LOXHD1: variants seen among roughly 807,000 people sequenced by gnomAD.
LOXHD1 encodes lipoxygenase homology domain-containing protein 1.
A neutral mutation model predicts 248.2 loss-of-function variants in LOXHD1; 205 were observed. The observed-to-expected ratio is 0.83, with a 90% CI of 0.74 to 0.93. The LOEUF is 0.93. Among genes scored for constraint, LOXHD1 ranks in the 40% least tolerant of loss-of-function variants. The pLI, the probability that LOXHD1 is intolerant of heterozygous loss-of-function variation, is 0.00. For missense variants in LOXHD1, 2,930 were observed against 2,971.6 expected (o/e 0.99, Z 0.33); for synonymous variants, 1,113 against 1,162.8 (o/e 0.96, Z 0.87).
chr18:46,519,364 C>T (rs1188200420), intron 33 of LOXHD1, among the ~76,000 whole-genome samples: 1 of 152,234 alleles, frequency 6.6e-6, no homozygotes, highest in Non-Finnish European at 1.5e-5. Context: ...CAAACCGGAG[C>T]TATTAATCAC....
At chr18:46,545,623 A>ATTTTTTTTTTTTTT (rs1555676193) in intron 22 of LOXHD1, among the ~76,000 whole-genome samples, 3 of 86,048 alleles carry the variant, frequency 3.5e-5, no homozygotes, top group African/African-American at 9.2e-5. Context: ...CCTCTTGGCC[A>ATTTTTTTTTTTTTT]TTTCTTTTTT....
chr18:46,489,211 C>T, intron 37 of LOXHD1, 69 bp from the exon 38 acceptor site: 1 of 1,488,064 alleles, frequency 6.7e-7, no homozygotes, highest in Non-Finnish European at 9.2e-7. Flanking sequence ...CTTCTACATC[C>T]CCACAACCCA....
intron 4 of LOXHD1, among the ~76,000 whole-genome samples, chr18:46,620,435 A>C (rs1426353348): frequency 2.0e-5 from 3 of 152,224 alleles, no homozygotes; most frequent in Non-Finnish European, 4.4e-5. Context: ...GCACACAGTG[A>C]AGCAGGAGAA....
At chr18:46,622,435 G>C (rs997418234) in intron 4 of LOXHD1, among the ~76,000 whole-genome samples, 1 of 152,024 alleles carries the variant, frequency 6.6e-6, no homozygotes. Flanking sequence ...TTCTTAGCTC[G>C]GGGTCCACAC....
chr18:46,587,360 T>C (rs1303449198), intron 12 of LOXHD1, among the ~76,000 whole-genome samples: 1 of 152,138 alleles, frequency 6.6e-6, no homozygotes, highest in Non-Finnish European at 1.5e-5. Flanking sequence ...TGAAGGCCAG[T>C]TCTGCTTTTT....
At chr18:46,531,240 T>C (rs1465639501) in intron 28 of LOXHD1, among the ~76,000 whole-genome samples, 1 of 151,994 alleles carries the variant, frequency 6.6e-6, no homozygotes, top group Non-Finnish European at 1.5e-5. Context: ...CACCCCACTC[T>C]GCCCCACTCA....
At chr18:46,489,691 G>A (rs1254840550) in intron 37 of LOXHD1, among the ~76,000 whole-genome samples, 1 of 152,142 alleles carries the variant, frequency 6.6e-6, no homozygotes, top group African/African-American at 2.4e-5. Context: ...TGCTCCTATA[G>A]CCCCCTGCAT....
intron 37 of LOXHD1, among the ~76,000 whole-genome samples, chr18:46,491,004 G>A (rs2143656412): frequency 6.6e-6 from 1 of 152,356 alleles, no homozygotes. Context: ...GAGGAGACCT[G>A]CTGAAGCAGT....
chr18:46,522,151 C>G lies in LOXHD1; in HGVS notation c.5035G>C (p.Glu1679Gln). 1 of 1,551,648 alleles carries G rather than the reference C, an allele frequency of 6.4e-7. No homozygotes were observed. Among genetic ancestry groups the G allele is most frequent in the Non-Finnish European group, 8.7e-7 (1 of 1,146,986 alleles). The change falls in exon 32 of 41, where the codon GAG becomes CAG. Residue 1679 changes from glutamate (E) to glutamine (Q), a missense_variant. By Grantham distance (29) the Glu-to-Gln change is conservative. Coordinates refer to ENST00000642948, the MANE Select transcript of LOXHD1 (RefSeq NM_001384474.1). ...GKRGFSRGSV[E>Q]EFYVAGLDVG... ...TCCAAGCCTGCGACGTAGAACTCCT[C>G]CACAGAGCCACGGCTGAAGCCCCTC... is the stretch of plus-strand genomic sequence containing the variant.
At chr18:46,621,361 C>G (rs189806714) in intron 4 of LOXHD1, among the ~76,000 whole-genome samples, 79 of 152,324 alleles carry the variant, frequency 5.2e-4, no homozygotes, top group Non-Finnish European at 7.9e-4. Context: ...TTCATATTCC[C>G]TCTTCAAGCA....
chr18:46,550,638 A>G (rs2037060450), intron 21 of LOXHD1, among the ~76,000 whole-genome samples: 1 of 147,036 alleles, frequency 6.8e-6, no homozygotes, highest in East Asian at 2.1e-4. Context: ...GTTTTCCACT[A>G]TAAGGACGAT....
In LOXHD1 at chr18:46,507,513, G is replaced by A. The variant is rs769838694; in HGVS notation, c.5692+25C>T. ...GACGGTTGGAGTGGTAAGGGAGCGG[G>A]AGGTGTGAGGGACCCCCGACCCACC... On this transcript the variant is annotated intron_variant, in intron 36 of 40. Coordinates refer to ENST00000642948, the MANE Select transcript of LOXHD1 (RefSeq NM_001384474.1). 4.5e-6 allele frequency: 7 copies of A among 1,551,440 alleles called. No individual in the cohort carries two copies. The African/African-American group carries it at 5.5e-5, about 12-fold the overall frequency.
chr18:46,594,487 T>C (rs1245355446), intron 8 of LOXHD1, 21 bp from the exon 9 acceptor site: 1 of 1,550,858 alleles, frequency 6.4e-7, no homozygotes, highest in East Asian at 2.4e-5. Context: ...TGGAGCACAG[T>C]GTCTCCGGCA....
In LOXHD1 at chr18:46,639,947, A is replaced by C. The variant is rs1048068473; in HGVS notation, c.327-147T>G. ...TTATCTCCTGAACCTCGGTTTCCTC[A>C]TCTATAAAATGGGGATACCTTGCAA... is the stretch of plus-strand genomic sequence containing the variant. On this transcript the variant is annotated intron_variant, in intron 3 of 40. Coordinates refer to ENST00000642948, the MANE Select transcript of LOXHD1 (RefSeq NM_001384474.1). The C allele has an allele frequency of 3.1e-6, 3 of 967,146 alleles. No homozygotes were observed. The African/African-American group carries it at 4.9e-5, about 16-fold the overall frequency. The allele number at this position is 967,146 out of a possible 1,614,324, so 59.9% of individuals were successfully genotyped here.
At chr18:46,564,796 T>C (rs2037604689) in intron 17 of LOXHD1, among the ~76,000 whole-genome samples, 1 of 152,160 alleles carries the variant, frequency 6.6e-6, no homozygotes. Flanking sequence ...TTACAAAGCG[T>C]GTGTATATAA....
chr18:46,477,019 T>C (rs963838930), downstream of LOXHD1: 60 of 614,510 alleles, frequency 9.8e-5, no homozygotes, highest in Admixed American at 5.0e-4. Flanking sequence ...TATACACTTC[T>C]TAGCAAGCAG....
Position 46,569,544 on chromosome 18 carries a change from G to A in LOXHD1, c.2142C>T (p.Asp714=), listed in dbSNP as rs1165155467. The change falls in exon 16 of 41, where the codon GAC becomes GAT. Residue 714 remains aspartate (D), a synonymous_variant. Transcript: ENST00000642948. The part of the protein sequence containing the change: ...VYIKLYGDKS[D]TIKQVLLVSD... ...AGACAAGAAGAACTTGCTTGATGGT[G>A]TCAGATTTATCCCCATAGAGCTTGA... 3 of 1,551,788 alleles carry A rather than the reference G, an allele frequency of 1.9e-6. No homozygotes were observed. The highest frequency in any genetic ancestry group is 1.7e-6 in the Non-Finnish European group (2 of 1,147,026).
chr18:46,543,199 C>T (rs542369536), intron 23 of LOXHD1, among the ~76,000 whole-genome samples: 2 of 152,176 alleles, frequency 1.3e-5, no homozygotes, highest in African/African-American at 2.4e-5. Context: ...CCCCACAGTC[C>T]ATTATATCAT....
intron 35 of LOXHD1, chr18:46,509,457 C>G (rs1036038483): frequency 2.4e-4 from 127 of 537,416 alleles, no homozygotes; most frequent in Non-Finnish European, 5.2e-5. Context: ...GTCCACGTAA[C>G]GTTGACAGCT....
Sources: allele counts gnomAD v4.1 joint callset (sites outside exome capture counted in the v4.1 genomes callset), GRCh38; gene constraint gnomAD v4.1.1; transcripts MANE v1.5; gene names NCBI Gene and HGNC (gene_info 2026-07-23, HGNC 2026-07-21).